Variants in NRG1 observed in about 807,000 individuals in gnomAD.
The protein encoded by NRG1 is pro-neuregulin-1, membrane-bound isoform.
A neutral mutation model predicts 63.8 loss-of-function variants in NRG1; 18 were observed. The observed-to-expected ratio is 0.28, with a 90% confidence interval of 0.19 to 0.42. The LOEUF is 0.42. Ranked by LOEUF, NRG1 falls within the 10% of genes least tolerant of loss-of-function variation. NRG1 has a pLI of 1.00. For missense variants in NRG1, 762 were observed against 814.7 expected (o/e 0.94, Z 0.79); for synonymous variants, 302 against 301.3 (o/e 1.00, Z -0.02).
chr8:32,319,008 T>A (rs1052220793), intron 1 of NRG1, among the ~76,000 whole-genome samples: 5 of 152,084 alleles, frequency 3.3e-5, no homozygotes, highest in South Asian at 4.1e-4. Flanking sequence ...CTGTGCGATG[T>A]AAAAAAGGCT....
In NRG1 at chr8:31,797,026, A is replaced by G. The variant is rs557436708; in HGVS notation, c.37+157595A>G. ...TATTTTTGGTGAAGTTCTGAGATAG[A>G]CTGAATCTGAGCAGAATAAAAAAAA... On this transcript the variant is annotated intron_variant, in intron 1 of 10. Coordinates refer to the NRG1 transcript ENST00000519301. Among the ~76,000 whole-genome samples, 56 of 152,198 alleles carry G rather than the reference A, an allele frequency of 3.7e-4. 1 individual carries two copies. Among genetic ancestry groups the G allele is most frequent in the African/African-American group, 1.2e-3 (49 of 41,544 alleles).
chr8:32,435,608 T>A (rs1818692509), intron 1 of NRG1, among the ~76,000 whole-genome samples: 2 of 152,196 alleles, frequency 1.3e-5, no homozygotes, highest in Admixed American at 1.3e-4. Context: ...GTTCTATAAA[T>A]GTGTCTGGTT....
At chr8:32,402,122 AG>A (rs1349035503) in intron 1 of NRG1, among the ~76,000 whole-genome samples, 5 of 152,214 alleles carry the variant, frequency 3.3e-5, no homozygotes, top group Non-Finnish European at 7.3e-5. Context: ...CATGTTGGCC[AG>A]GCTTGTCTCA....
At chr8:31,893,489 C>A (rs1230935892) in intron 1 of NRG1, among the ~76,000 whole-genome samples, 4 of 151,064 alleles carry the variant, frequency 2.6e-5, no homozygotes. Flanking sequence ...TGTCAAAAAT[C>A]ATTTGTATAT....
At chr8:31,921,407 C>A (rs1280803671) in intron 1 of NRG1, among the ~76,000 whole-genome samples, 1 of 152,112 alleles carries the variant, frequency 6.6e-6, no homozygotes, top group Non-Finnish European at 1.5e-5. Context: ...TAATCACACA[C>A]AAGCAATGTG....
At chr8:31,748,042 G>T (rs1328488724) in intron 1 of NRG1, among the ~76,000 whole-genome samples, 2 of 151,770 alleles carry the variant, frequency 1.3e-5, no homozygotes, top group African/African-American at 4.8e-5. Context: ...CATTTTTGTT[G>T]TTCTTTGCCA....
intron 1 of NRG1, among the ~76,000 whole-genome samples, chr8:32,154,111 G>C (rs1246881295): frequency 6.6e-6 from 1 of 152,098 alleles, no homozygotes. Flanking sequence ...ATGGAAGTTT[G>C]TATAAACTAG....
chr8:32,306,940 C>G (rs7002924), intron 1 of NRG1, among the ~76,000 whole-genome samples: 45,053 of 152,110 alleles, frequency 0.3, 7,760 homozygotes, highest in South Asian at 0.45. Context: ...AAATTTTAAT[C>G]CCTAGCAGGT....
intron 1 of NRG1, among the ~76,000 whole-genome samples, chr8:32,423,760 A>G (rs1816989958): frequency 6.6e-6 from 1 of 152,126 alleles, no homozygotes; most frequent in Non-Finnish European, 1.5e-5. Context: ...CCATACACTT[A>G]TTCCTTTCTT....
chr8:31,920,642 C>A (rs1274711450), intron 1 of NRG1, among the ~76,000 whole-genome samples: 2 of 152,088 alleles, frequency 1.3e-5, no homozygotes, highest in African/African-American at 4.8e-5. Flanking sequence ...TGCCTGGGTT[C>A]AAATCCAGGC....
chr8:32,374,619 C>T (rs1203227008), intron 1 of NRG1, among the ~76,000 whole-genome samples: 2 of 152,186 alleles, frequency 1.3e-5, no homozygotes, highest in Non-Finnish European at 2.9e-5. Context: ...CCTCTTCTGC[C>T]TCCCAACATC....
chr8:32,060,233 G>A (rs1256908470), intron 1 of NRG1, among the ~76,000 whole-genome samples: 1 of 150,346 alleles, frequency 6.7e-6, no homozygotes, highest in Non-Finnish European at 1.5e-5. Context: ...TATTATTCTT[G>A]CTGGTCTATT....
intron 1 of NRG1, among the ~76,000 whole-genome samples, chr8:32,578,665 G>T (rs1840099012): frequency 2.0e-5 from 3 of 152,014 alleles, no homozygotes; most frequent in Admixed American, 2.0e-4. Context: ...TAATTGTGAT[G>T]TCTCTATAGC....
chr8:31,848,673 C>T (rs940838581), intron 1 of NRG1, among the ~76,000 whole-genome samples: 6 of 152,136 alleles, frequency 3.9e-5, no homozygotes, highest in Non-Finnish European at 8.8e-5. Flanking sequence ...AGCAAATTCT[C>T]ATAGAAGCAT....
At position 31,742,414 on chromosome 8, in the gene NRG1, G is replaced by A. The variant is rs1012890346; in HGVS notation, c.37+102983G>A. ...CTGCATTAAAATAAAAAGAAAATAGGAATGATATGGAACCAGCAACGACAG... is the reference window on the plus strand; with the variant it reads ...CTGCATTAAAATAAAAAGAAAATAGAAATGATATGGAACCAGCAACGACAG... On this transcript the variant is annotated intron_variant, in intron 1 of 10. Coordinates refer to the NRG1 transcript ENST00000519301. 6.3e-5 allele frequency among the ~76,000 whole-genome samples: 9 copies of A among 141,830 alleles called. 1 individual carries two copies. Among genetic ancestry groups the A allele is most frequent in the Non-Finnish European group, 9.1e-5 (6 of 65,820 alleles). 93.0% of individuals were successfully genotyped at this position (141,830 alleles called of 152,430 possible).
chr8:32,396,545 C>A (rs1587357196), intron 1 of NRG1, among the ~76,000 whole-genome samples: 1 of 152,078 alleles, frequency 6.6e-6, no homozygotes, highest in Non-Finnish European at 1.5e-5. Flanking sequence ...ACCTCCCAGG[C>A]TGAAGCGATT....
intron 1 of NRG1, among the ~76,000 whole-genome samples, chr8:32,245,260 G>A (rs1324867575): frequency 6.6e-6 from 1 of 152,150 alleles, no homozygotes; most frequent in East Asian, 1.9e-4. Flanking sequence ...AGGAATCTGG[G>A]CAATCAGATG....
chr8:32,702,527 C>T (rs1471722006), intron 5 of NRG1, among the ~76,000 whole-genome samples: 1 of 152,182 alleles, frequency 6.6e-6, no homozygotes. Context: ...CGCCTTGTGG[C>T]CCAGGCTGGA....
intron 1 of NRG1, among the ~76,000 whole-genome samples, chr8:31,784,323 A>G (rs940642648): frequency 3.3e-5 from 5 of 152,242 alleles, no homozygotes; most frequent in Admixed American, 1.3e-4. Context: ...ACTTATTCAT[A>G]TGAGCTAAGA....
Sources: gnomAD v4.1 joint callset for allele counts (sites outside exome capture counted in the v4.1 genomes callset) on GRCh38, gnomAD v4.1.1 for gene constraint, MANE v1.5 for transcripts, NCBI Gene and HGNC (gene_info 2026-07-23, HGNC 2026-07-21) for gene names.